NALF1: variants seen among roughly 807,000 people sequenced by gnomAD.
NALF1 encodes family with sequence similarity 155 member A.
A neutral mutation model predicts 48.4 loss-of-function variants in NALF1; 3 were observed. The observed-to-expected ratio is 0.06, with a 90% CI of 0.03 to 0.16. The LOEUF (loss-of-function observed/expected upper bound fraction) is 0.16, where lower values mean the gene tolerates loss of function less well. NALF1 is among the 10% of genes least tolerant of loss of function. The pLI is 1.00. For synonymous variants in NALF1, 262 were observed against 245.7 expected (o/e 1.07, Z -0.62); for missense variants, 526 against 571.5 (o/e 0.92, Z 0.81).
intron 1 of NALF1, among the ~76,000 whole-genome samples, chr13:107,370,243 G>A (rs11619628): frequency 0.3 from 45,376 of 152,120 alleles, 8,219 homozygotes; most frequent in Admixed American, 0.45. Context: ...CTTCCTATCC[G>A]GTGAACAGCA....
rs567213640 is a variant in NALF1, at chr13:107,538,654, T to C, written c.915+327028A>G. On this transcript the variant is annotated intron_variant, in intron 1 of 2. Coordinates refer to ENST00000375915, the MANE Select transcript of NALF1 (RefSeq NM_001080396.3). ...ATGATATCATAGATCCTGTTTCTCA[T>C]TGGACAATATATCTCAAGATTCTGT... 5.4e-4 allele frequency among the ~76,000 whole-genome samples: 82 copies of C among 152,236 alleles called. 1 individual carries two copies. The highest frequency in any genetic ancestry group is 9.8e-4 in the Admixed American group (15 of 15,280).
Position 107,659,888 on chromosome 13 carries a change from C to A in NALF1, c.915+205794G>T, listed in dbSNP as rs149517543. 4.1e-3 allele frequency among the ~76,000 whole-genome samples: 627 copies of A among 151,510 alleles called. 8 individuals carry two copies. The highest frequency in any genetic ancestry group is 0.015 in the African/African-American group (611 of 41,320). On this transcript the variant is annotated intron_variant, in intron 1 of 2. Coordinates refer to ENST00000375915, the MANE Select transcript of NALF1 (RefSeq NM_001080396.3). Reference sequence around the variant, plus strand: ...TGCAGTGGTGCAATCTCAGCCACCACACCCAGCTAATTTTTTGTATTTTTA... The same window carrying A: ...TGCAGTGGTGCAATCTCAGCCACCAAACCCAGCTAATTTTTTGTATTTTTA...
intron 1 of NALF1, among the ~76,000 whole-genome samples, chr13:107,224,541 A>G (rs1393796377): frequency 6.6e-6 from 1 of 151,678 alleles, no homozygotes; most frequent in Admixed American, 6.6e-5. Context: ...AACTGGTTAA[A>G]AAAGCTAATA....
At chr13:107,190,593 T>A (rs9558970) in intron 2 of NALF1, among the ~76,000 whole-genome samples, 12,309 of 152,222 alleles carry the variant, frequency 0.081, 522 homozygotes, top group East Asian at 0.12. Context: ...AAATGAGTAA[T>A]CCTCTGGCTC....
intron 1 of NALF1, among the ~76,000 whole-genome samples, chr13:107,285,187 C>T (rs1342722171): frequency 2.0e-5 from 3 of 152,160 alleles, no homozygotes; most frequent in Non-Finnish European, 4.4e-5. Context: ...GAGAAACCTA[C>T]AAATCTCACT....
At chr13:107,185,312 T>A (rs1879147526) in intron 2 of NALF1, among the ~76,000 whole-genome samples, 1 of 152,168 alleles carries the variant, frequency 6.6e-6, no homozygotes, top group Non-Finnish European at 1.5e-5. Flanking sequence ...GAAACGAATA[T>A]ACTGCATATT....
chr13:107,225,653 A>C (rs1395233689), intron 1 of NALF1, among the ~76,000 whole-genome samples: 1 of 152,188 alleles, frequency 6.6e-6, no homozygotes, highest in Non-Finnish European at 1.5e-5. Context: ...GGACCCAGAC[A>C]ATCAACAGTG....
chr13:107,767,885 G>A (rs1877458864), intron 1 of NALF1, among the ~76,000 whole-genome samples: 1 of 152,112 alleles, frequency 6.6e-6, no homozygotes, highest in Admixed American at 6.6e-5. Flanking sequence ...TTTTATATGA[G>A]AAGAGACACA....
At chr13:107,521,768 T>C (rs1380101953) in intron 1 of NALF1, among the ~76,000 whole-genome samples, 1 of 152,104 alleles carries the variant, frequency 6.6e-6, no homozygotes, top group Non-Finnish European at 1.5e-5. Flanking sequence ...TATATATACC[T>C]AGGAGTACAA....
chr13:107,335,029 A>G (rs908550663), intron 1 of NALF1, among the ~76,000 whole-genome samples: 13 of 152,138 alleles, frequency 8.5e-5, no homozygotes, highest in Non-Finnish European at 1.5e-4. Flanking sequence ...GGACACCTAA[A>G]GACCTCTGAA....
At chr13:107,519,409 C>G (rs994939884) in intron 1 of NALF1, among the ~76,000 whole-genome samples, 1 of 151,948 alleles carries the variant, frequency 6.6e-6, no homozygotes, top group Non-Finnish European at 1.5e-5. Context: ...AAGGATGTAA[C>G]TACTAAAGCC....
chr13:107,488,715 A>G (rs1885368820), intron 1 of NALF1, among the ~76,000 whole-genome samples: 1 of 152,154 alleles, frequency 6.6e-6, no homozygotes, highest in African/African-American at 2.4e-5. Flanking sequence ...AACTGGCACA[A>G]GAGAAGAATT....
At chr13:107,186,001 C>T (rs1879162938) in intron 2 of NALF1, among the ~76,000 whole-genome samples, 1 of 152,162 alleles carries the variant, frequency 6.6e-6, no homozygotes, top group Non-Finnish European at 1.5e-5. Flanking sequence ...AAATTACATG[C>T]TGTTCTGAGT....
At chr13:107,807,934 G>A (rs911379708) in intron 1 of NALF1, among the ~76,000 whole-genome samples, 1 of 152,114 alleles carries the variant, frequency 6.6e-6, no homozygotes, top group South Asian at 2.1e-4. Context: ...GTAACAGACA[G>A]AGAGGAAGAC....
rs202062814 is a variant in NALF1, at chr13:107,865,804, C to G, written c.793G>C (p.Val265Leu). The change falls in exon 1 of 3, where the codon GTC (valine) becomes CTC (leucine). Residue 265 changes from valine to leucine, a missense_variant. Physicochemically the swap from Val to Leu is conservative, Grantham distance 32. Coordinates refer to ENST00000375915, the MANE Select transcript of NALF1 (RefSeq NM_001080396.3). ...GGEMTTCRQC[V>L]EAYQDYDHHA... Reference sequence around the variant, plus strand: ...TGGTCATAGTCCTGGTAAGCCTCGACGCACTGCCTGCAAGTGGTCATCTCG... The same window carrying G: ...TGGTCATAGTCCTGGTAAGCCTCGAGGCACTGCCTGCAAGTGGTCATCTCG... The G allele has an allele frequency of 2.1e-5, 34 of 1,614,138 alleles. No individual in the cohort carries two copies. The highest frequency in any genetic ancestry group is 2.9e-5 in the Non-Finnish European group (34 of 1,180,030).
rs373638822 is a variant in NALF1 at position 107,633,458 on chromosome 13, T to C, written c.915+232224A>G. The stretch of plus-strand genomic sequence containing the variant: ...TTTTCTATCATAATGCACCATTTTA[T>C]AGATGATCTTTGTGAATGACCATTC... On this transcript the variant is annotated intron_variant, in intron 1 of 2. Coordinates refer to ENST00000375915, the MANE Select transcript of NALF1 (RefSeq NM_001080396.3). Among the ~76,000 whole-genome samples the C allele has an allele frequency of 7.2e-5, 11 of 152,132 alleles. No individual in the cohort carries two copies. In the East Asian group the frequency reaches 1.5e-3, roughly 21 times the overall value.
intron 1 of NALF1, among the ~76,000 whole-genome samples, chr13:107,678,944 T>G (rs1012528026): frequency 6.6e-6 from 1 of 152,152 alleles, no homozygotes; most frequent in African/African-American, 2.4e-5. Context: ...CCTAACCATA[T>G]CAGGGGCTTC....
chr13:107,313,050 T>TA (rs1483888198), intron 1 of NALF1, among the ~76,000 whole-genome samples: 1 of 152,142 alleles, frequency 6.6e-6, no homozygotes, highest in Non-Finnish European at 1.5e-5. Context: ...CTTGGAAATT[T>TA]AAAATGTAAT....
At chr13:107,267,816 C>A (rs12323313) in intron 1 of NALF1, among the ~76,000 whole-genome samples, 1 of 152,130 alleles carries the variant, frequency 6.6e-6, no homozygotes, top group Non-Finnish European at 1.5e-5. Context: ...ACCAGTCGAT[C>A]TGATAACCGC....
Sources: allele counts gnomAD v4.1 joint callset (sites outside exome capture counted in the v4.1 genomes callset), GRCh38; gene constraint gnomAD v4.1.1; transcripts MANE v1.5; gene names NCBI Gene and HGNC (gene_info 2026-07-23, HGNC 2026-07-21).